RIMOC1: variants seen among roughly 807,000 people sequenced by gnomAD.
The protein encoded by RIMOC1 is RAB7A interacting MON1-CCZ1 complex subunit 1.
the RIMOC1 span, chr5:41,910,914 G>A: frequency 1.1e-6 from 1 of 883,648 alleles, no homozygotes; most frequent in Non-Finnish European, 1.7e-6. Context: ...AGGCCTCCCT[G>A]TGTAAGCAGC....
the RIMOC1 span, among the ~76,000 whole-genome samples, chr5:41,908,699 T>C: frequency 6.6e-6 from 1 of 152,180 alleles, no homozygotes; most frequent in Admixed American, 6.5e-5. Flanking sequence ...CAGAAGACTC[T>C]GTGCTTGTCT....
chr5:41,917,288 C>T, the RIMOC1 span: 45 of 1,607,120 alleles, frequency 2.8e-5, 4 homozygotes, highest in African/African-American at 3.6e-4. Flanking sequence ...CTTTCATCAT[C>T]GCTGTAACTA....
chr5:41,912,114 C>T, the RIMOC1 span: 22 of 1,611,862 alleles, frequency 1.4e-5, no homozygotes, highest in Admixed American at 6.7e-5. Context: ...GCTAAATTAT[C>T]GATGTCCTAT....
At chr5:41,920,773 T>G in the RIMOC1 span, 1 of 152,294 alleles carries the variant, frequency 6.6e-6, no homozygotes, top group East Asian at 1.9e-4. Flanking sequence ...GATATTGAAT[T>G]AAGGAATGGG....
chr5:41,915,522 T>C, the RIMOC1 span, among the ~76,000 whole-genome samples: 15 of 152,178 alleles, frequency 9.9e-5, no homozygotes, highest in East Asian at 2.3e-3. Context: ...TACCCAAGAC[T>C]GGGAAGAAAA....
the RIMOC1 span, chr5:41,918,182 T>TA: frequency 1.2e-4 from 121 of 985,868 alleles, no homozygotes; most frequent in African/African-American, 2.1e-3. Flanking sequence ...ACCTTGCTGA[T>TA]ACCTTGGACT....
the RIMOC1 span, chr5:41,919,422 A>G: frequency 1.3e-5 from 2 of 152,192 alleles, no homozygotes; most frequent in African/African-American, 4.8e-5. Flanking sequence ...CCTCTGTGGC[A>G]AAGGGAATTT....
the RIMOC1 span, chr5:41,919,027 A>C: frequency 7.0e-6 from 1 of 142,328 alleles, no homozygotes; most frequent in Non-Finnish European, 1.5e-5. Context: ...TACTTTACAT[A>C]TTTTATACAA....
chr5:41,904,510 C>T, the RIMOC1 span: 104 of 1,575,754 alleles, frequency 6.6e-5, no homozygotes, highest in Non-Finnish European at 8.9e-5. Flanking sequence ...GCAGACGGCG[C>T]TAAGGTACTG....
chr5:41,910,419 G>C, the RIMOC1 span, among the ~76,000 whole-genome samples: 8,684 of 151,544 alleles, frequency 0.057, 275 homozygotes, highest in African/African-American at 0.078. Flanking sequence ...TCTCTATTCT[G>C]TCTTTGCTTG....
At chr5:41,904,862 A>G in the RIMOC1 span, among the ~76,000 whole-genome samples, 1 of 152,210 alleles carries the variant, frequency 6.6e-6, no homozygotes, top group Non-Finnish European at 1.5e-5. Context: ...GACATGTATA[A>G]CAGTTCCACT....
At chr5:41,911,416 A>T in the RIMOC1 span, 2 of 266,558 alleles carry the variant, frequency 7.5e-6, no homozygotes, top group African/African-American at 4.5e-5. Context: ...GTATTGTTTT[A>T]AATATAAGAT....
At chr5:41,913,945 G>A in the RIMOC1 span, among the ~76,000 whole-genome samples, 2 of 152,124 alleles carry the variant, frequency 1.3e-5, no homozygotes, top group African/African-American at 4.8e-5. Flanking sequence ...GAACCAATCA[G>A]AGGCATTGAA....
At chr5:41,917,774 C>T in the RIMOC1 span, 6 of 899,314 alleles carry the variant, frequency 6.7e-6, no homozygotes, top group Non-Finnish European at 8.0e-6. Flanking sequence ...AAGATTATGA[C>T]TAATATTCAG....
At chr5:41,910,349 T>C in the RIMOC1 span, among the ~76,000 whole-genome samples, 6 of 151,952 alleles carry the variant, frequency 3.9e-5, no homozygotes, top group African/African-American at 1.4e-4. Context: ...TAGCAACTGT[T>C]CTGCCTTCCA....
At chr5:41,917,265 A>G in the RIMOC1 span, 1 of 1,611,726 alleles carries the variant, frequency 6.2e-7, no homozygotes, top group Non-Finnish European at 8.5e-7. Flanking sequence ...AATGCAAAAC[A>G]AATTTTAAAC....
At chr5:41,915,740 T>C in the RIMOC1 span, among the ~76,000 whole-genome samples, 1 of 152,126 alleles carries the variant, frequency 6.6e-6, no homozygotes, top group Non-Finnish European at 1.5e-5. Context: ...TTCAGTTATC[T>C]CCCACTGGGT....
At chr5:41,916,339 T>C in the RIMOC1 span, 1 of 813,034 alleles carries the variant, frequency 1.2e-6, no homozygotes, top group Non-Finnish European at 1.5e-6. Flanking sequence ...TAATATACTT[T>C]ATGCACCATA....
chr5:41,918,152 C>T, the RIMOC1 span: 1 of 985,676 alleles, frequency 1.0e-6, no homozygotes, highest in Admixed American at 6.2e-5. Context: ...CTGTTGTCAT[C>T]TTTGGATGAT....
Sources: gnomAD v4.1 joint callset for allele counts (sites outside exome capture counted in the v4.1 genomes callset) on GRCh38, gnomAD v4.1.1 for gene constraint, MANE v1.5 for transcripts, NCBI Gene and HGNC (gene_info 2026-07-23, HGNC 2026-07-21) for gene names.